Variants in METTL15 observed in about 807,000 individuals in gnomAD.
METTL15 encodes 12S rRNA N(4)-cytidine methyltransferase METTL15.
In METTL15, 34 loss-of-function variants were observed where a neutral mutation model predicts 38.3. That is an observed-to-expected ratio of 0.89 (90% CI 0.68 to 1.18). The LOEUF (loss-of-function observed/expected upper bound fraction) is 1.18. Ranked by LOEUF, METTL15 falls within the 50% of genes most tolerant of loss-of-function variation. METTL15 has a pLI of 0.00. For missense variants in METTL15, 438 were observed against 498.4 expected (o/e 0.88, Z 1.15); for synonymous variants, 162 against 170.9 (o/e 0.95, Z 0.41).
chr11:28,292,356 G>T (rs1208284361), intron 5 of METTL15, among the ~76,000 whole-genome samples: 2 of 151,720 alleles, frequency 1.3e-5, no homozygotes, highest in Admixed American at 6.6e-5. Flanking sequence ...ATGATTTCCA[G>T]CTTCATCCAT....
chr11:28,401,686 G>A (rs1850632007), intron 5 of METTL15, among the ~76,000 whole-genome samples: 2 of 151,854 alleles, frequency 1.3e-5, no homozygotes, highest in South Asian at 4.1e-4. Flanking sequence ...CCAGAGGGAA[G>A]CACTTATTTG....
At chr11:28,477,326 A>G (rs1468415561) in intron 6 of METTL15, among the ~76,000 whole-genome samples, 1 of 151,956 alleles carries the variant, frequency 6.6e-6, no homozygotes, top group Non-Finnish European at 1.5e-5. Context: ...ACAGGTGTGC[A>G]CCACCATGCC....
chr11:28,194,676 A>G (rs932513371), intron 3 of METTL15, among the ~76,000 whole-genome samples: 2 of 152,060 alleles, frequency 1.3e-5, no homozygotes, highest in African/African-American at 2.4e-5. Context: ...TTTTTTGACC[A>G]CTGTCAGAAA....
intron 5 of METTL15, among the ~76,000 whole-genome samples, chr11:28,369,860 A>T (rs1454945372): frequency 6.6e-6 from 1 of 152,160 alleles, no homozygotes. Flanking sequence ...ATCTCTGGTA[A>T]AGGTAAATAT....
chr11:28,180,497 A>G (rs1851243301), intron 3 of METTL15, among the ~76,000 whole-genome samples: 1 of 151,780 alleles, frequency 6.6e-6, no homozygotes, highest in Non-Finnish European at 1.5e-5. Flanking sequence ...AGTCAATGAG[A>G]ACTATTTTTA....
At chr11:28,421,955 A>G (rs1450302623) in intron 5 of METTL15, among the ~76,000 whole-genome samples, 2 of 152,050 alleles carry the variant, frequency 1.3e-5, no homozygotes, top group Non-Finnish European at 2.9e-5. Context: ...GACCCAACCA[A>G]AAAACTACTA....
chr11:28,238,474 G>A (rs1316581723), intron 4 of METTL15, among the ~76,000 whole-genome samples: 2 of 152,180 alleles, frequency 1.3e-5, no homozygotes, highest in African/African-American at 4.8e-5. Flanking sequence ...GCAGTATTCG[G>A]GTGGGAATGC....
intron 3 of METTL15, among the ~76,000 whole-genome samples, chr11:28,204,679 C>T (rs906696816): frequency 5.3e-5 from 8 of 151,744 alleles, no homozygotes; most frequent in Non-Finnish European, 7.4e-5. Context: ...TTAGTGCAGT[C>T]TTAGTTTGTA....
At chr11:28,179,872 G>A (rs988307582) in intron 3 of METTL15, among the ~76,000 whole-genome samples, 3 of 151,746 alleles carry the variant, frequency 2.0e-5, no homozygotes, top group East Asian at 1.9e-4. Context: ...TATCAGCAGC[G>A]TATGAGAGTT....
chr11:28,138,700 C>G (rs1849596340), intron 3 of METTL15, among the ~76,000 whole-genome samples: 1 of 152,138 alleles, frequency 6.6e-6, no homozygotes, highest in Non-Finnish European at 1.5e-5. Context: ...AAAATTGAAC[C>G]CGGGCCACCA....
Position 28,410,411 on chromosome 11 carries a change from G to A in METTL15, c.*359-13888G>A, listed in dbSNP as rs1333308174. Among the ~76,000 whole-genome samples, 3 of 152,004 alleles carry A rather than the reference G, an allele frequency of 2.0e-5. No homozygotes were observed. The East Asian group carries it at 5.8e-4, about 29-fold the overall frequency. On this transcript the variant is annotated intron_variant and NMD_transcript_variant, in intron 5 of 7. Transcript: ENST00000532947. ...AAACTGAATTCAACAACACATCAAA[G>A]AGACTATACATTATGACCATGTGGG...
intron 6 of METTL15, among the ~76,000 whole-genome samples, chr11:28,485,803 G>A (rs1020219583): frequency 3.9e-5 from 6 of 152,090 alleles, no homozygotes; most frequent in Admixed American, 1.3e-4. Context: ...AGGACAGTCC[G>A]AGATCACAGT....
intron 3 of METTL15, among the ~76,000 whole-genome samples, chr11:28,159,703 A>C (rs1188999048): frequency 6.6e-6 from 1 of 152,226 alleles, no homozygotes; most frequent in South Asian, 2.1e-4. Context: ...TATTGACTTC[A>C]CATCAGAATT....
At chr11:28,178,045 C>T (rs1288660174) in intron 3 of METTL15, among the ~76,000 whole-genome samples, 1 of 151,858 alleles carries the variant, frequency 6.6e-6, no homozygotes, top group Non-Finnish European at 1.5e-5. Flanking sequence ...CCCAAGTTAC[C>T]TTCTTTTTAC....
chr11:28,186,048 C>T (rs745687295), intron 3 of METTL15, among the ~76,000 whole-genome samples: 1 of 150,840 alleles, frequency 6.6e-6, no homozygotes, highest in Non-Finnish European at 1.5e-5. Flanking sequence ...AAATGTTAAA[C>T]ATGGTATCTT....
At chr11:28,261,770 C>G (rs1477955204) in intron 4 of METTL15, among the ~76,000 whole-genome samples, 1 of 152,104 alleles carries the variant, frequency 6.6e-6, no homozygotes, top group Non-Finnish European at 1.5e-5. Flanking sequence ...TTCTCTGATA[C>G]ACTGAAGACA....
intron 4 of METTL15, among the ~76,000 whole-genome samples, chr11:28,211,741 A>G (rs1015853349): frequency 2.6e-5 from 4 of 152,090 alleles, no homozygotes; most frequent in Admixed American, 1.3e-4. Context: ...TGGTAAAACC[A>G]TCTGCCTTTA....
rs572666907 is a variant in METTL15, at chr11:28,494,153, G to C, written c.*425-32325G>C. On this transcript the variant is annotated intron_variant and NMD_transcript_variant, in intron 6 of 7. Transcript: ENST00000532947. ...TTTTTAATTGAAGGAAACTGGGTGAGAGCAGTAATGTCCAAACTCAGTTCT... is the reference window on the plus strand; with the variant it reads ...TTTTTAATTGAAGGAAACTGGGTGACAGCAGTAATGTCCAAACTCAGTTCT... Among the ~76,000 whole-genome samples, 7 of 152,278 alleles carry C rather than the reference G, an allele frequency of 4.6e-5. No homozygotes were observed. In the South Asian group the frequency reaches 1.5e-3, roughly 32 times the overall value.
chr11:28,369,210 A>G (rs1380727283), intron 5 of METTL15, among the ~76,000 whole-genome samples: 1 of 151,986 alleles, frequency 6.6e-6, no homozygotes, highest in Non-Finnish European at 1.5e-5. Flanking sequence ...AGCAGAAGAA[A>G]GAATCAGCAA....
Sources: gnomAD v4.1 joint callset for allele counts (sites outside exome capture counted in the v4.1 genomes callset) on GRCh38, gnomAD v4.1.1 for gene constraint, MANE v1.5 for transcripts, NCBI Gene and HGNC (gene_info 2026-07-23, HGNC 2026-07-21) for gene names.